C1orf162: variants seen among roughly 807,000 people sequenced by gnomAD.
C1orf162 encodes the protein transmembrane protein C1orf162.
A neutral mutation model predicts 11.4 loss-of-function variants in C1orf162; 10 were observed. The ratio of observed to expected loss-of-function variants is 0.88; its 90% CI spans 0.54 to 1.48. The LOEUF is 1.48. Ranked by LOEUF, C1orf162 falls within the 40% of genes most tolerant of loss-of-function variation. The pLI is 0.00. For missense variants in C1orf162, 140 were observed against 149.5 expected (o/e 0.94, Z 0.33); for synonymous variants, 53 against 55.0 (o/e 0.96, Z 0.16).
At chr1:111,476,125 G>T in intron 2 of C1orf162, 60 bp downstream of exon 2, 1 of 1,516,128 alleles carries the variant, frequency 6.6e-7, no homozygotes, top group Non-Finnish European at 9.2e-7. Flanking sequence ...ACTAGAAATT[G>T]TGCTGAAGGG....
Position 111,478,313 on chromosome 1 carries a change from G to A in C1orf162, c.*190G>A, listed in dbSNP as rs1654067643. ...ATGGTCAGTCTTTTCCTGGCCAGAG[G>A]AAAGATTGATGGCCCTCCCACTTGA... On this transcript the variant is annotated 3_prime_UTR_variant, in exon 6 of 6. Coordinates refer to ENST00000369718, the MANE Select transcript of C1orf162 (RefSeq NM_001300834.2). 2.9e-6 allele frequency: 2 copies of A among 698,916 alleles called. No individual in the cohort carries two copies. Among genetic ancestry groups the A allele is most frequent in the South Asian group, 3.8e-5 (2 of 52,682 alleles). 43.3% of individuals were successfully genotyped at this position (698,916 alleles called of 1,614,324 possible).
intron 1 of C1orf162, chr1:111,474,556 T>A (rs1653932502): frequency 6.6e-6 from 1 of 152,222 alleles, no homozygotes; most frequent in Non-Finnish European, 1.5e-5. Flanking sequence ...TATATTTCAA[T>A]ATTTTAAAAA....
chr1:111,478,381 T>G lies in C1orf162; in HGVS notation c.*258T>G. 1.9e-6 allele frequency: 1 copy of G among 540,288 alleles called. No homozygotes were observed. The highest frequency in any genetic ancestry group is 2.1e-5 in the South Asian group (1 of 48,052). The allele number at this position is 540,288 out of a possible 1,614,324, so 33.5% of individuals were successfully genotyped here. On this transcript the variant is annotated 3_prime_UTR_variant, in exon 6 of 6. Transcript: ENST00000369718. ...CCCTTGGGGGCATAGACTGCCTTCC[T>G]TGGACCCTTCCAAAGTGTGTGGTAC...
At chr1:111,477,839 CTCT>C in intron 5 of C1orf162, 64 bp downstream of exon 5, 31 of 1,600,956 alleles carry the variant, frequency 1.9e-5, no homozygotes, top group Non-Finnish European at 2.7e-5. Flanking sequence ...CCCCTCCATA[CTCT>C]TCATTATCTG....
At chr1:111,474,736 T>TGAA (rs1653938817) in intron 1 of C1orf162, 1 of 152,170 alleles carries the variant, frequency 6.6e-6, no homozygotes, top group Non-Finnish European at 1.5e-5. Flanking sequence ...GCCCTTTTCT[T>TGAA]ATCTGACATT....
chr1:111,476,282 C>T (rs1285245081), intron 2 of C1orf162, among the ~76,000 whole-genome samples: 1 of 152,116 alleles, frequency 6.6e-6, no homozygotes, highest in Admixed American at 6.5e-5. Flanking sequence ...GGTGTCTCTG[C>T]TCAATATCAA....
rs756096736 is a variant in C1orf162 at position 111,476,750 on chromosome 1, A to G, written c.38-48A>G. The G allele has an allele frequency of 2.5e-6, 4 of 1,584,944 alleles. No individual in the cohort carries two copies. In the South Asian group the frequency reaches 4.4e-5, roughly 18 times the overall value. ...CTGGGGAAACTTAAGCTGGAAGGGT[A>G]TCATGAAAAGTGACAGATACACTAA... On this transcript the variant is annotated intron_variant, in intron 2 of 5. Transcript: ENST00000369718.
In C1orf162 at chr1:111,478,043, G is replaced by GA. The variant is rs755056456; in HGVS notation, c.317dup (p.Ser107GlufsTer6). On this transcript the variant is annotated frameshift_variant, in exon 6 of 6. Transcript: ENST00000369718. LOFTEE classifies it low-confidence loss of function (END_TRUNC). ...CAGCACAACTTTCAAACTCTCAGAA[G>GA]AAAAGAGCAATCACTTGGCTGAGAA... is the stretch of plus-strand genomic sequence containing the variant. The GA allele has an allele frequency of 6.2e-7, 1 of 1,614,058 alleles. No homozygotes were observed. Among genetic ancestry groups the GA allele is most frequent in the South Asian group, 1.1e-5 (1 of 91,084 alleles).
Position 111,477,770 on chromosome 1 carries a change from G to A in C1orf162, c.247G>A (p.Ala83Thr), listed in dbSNP as rs909647983. 3.7e-6 allele frequency: 6 copies of A among 1,614,092 alleles called. No individual in the cohort carries two copies. In the African/African-American group the frequency reaches 4.0e-5, roughly 11 times the overall value. Reference sequence around the variant, plus strand: ...CCCAGATCCTCACTCAGATCCTCCAGCCAAGGTAAGATGACCACACTGTTT... The same window carrying A: ...CCCAGATCCTCACTCAGATCCTCCAACCAAGGTAAGATGACCACACTGTTT... ...QAPDPHSDPP[A>T]KLSSIPGESL... The change falls in exon 5 of 6, where the codon GCC becomes ACC. Residue 83 changes from alanine (A) to threonine (T), a missense_variant. Coordinates refer to ENST00000369718, the MANE Select transcript of C1orf162 (RefSeq NM_001300834.2).
rs769006328 is a variant in C1orf162, at chr1:111,477,735, A to AGCCCCAG, written c.220_226dup (p.Asp76GlyfsTer39). On this transcript the variant is annotated frameshift_variant, in exon 5 of 6. Coordinates refer to ENST00000369718, the MANE Select transcript of C1orf162 (RefSeq NM_001300834.2). LOFTEE classifies it low-confidence loss of function (END_TRUNC). ...TCTGGCACCATGGCAGATCACTCCAAGCCCCAGGCCCCAGATCCTCACTCA... is the reference window on the plus strand; with the variant it reads ...TCTGGCACCATGGCAGATCACTCCAAGCCCCAGGCCCCAGGCCCCAGATCCTCACTCA... The AGCCCCAG allele has an allele frequency of 4.0e-5, 65 of 1,613,892 alleles. No individual in the cohort carries two copies. The highest frequency in any genetic ancestry group is 5.2e-5 in the Non-Finnish European group (61 of 1,180,006).
intron 3 of C1orf162, 27 bp downstream of exon 3, chr1:111,476,894 C>CCACGTGGG (rs1654009492): frequency 1.9e-6 from 3 of 1,605,074 alleles, no homozygotes; most frequent in Non-Finnish European, 2.6e-6. Context: ...CTATCTGTTT[C>CCACGTGGG]ATCTTGTACC....
At position 111,474,013 on chromosome 1, in the gene C1orf162, C is replaced by A. The variant is rs770072091; in HGVS notation, c.-29C>A. On this transcript the variant is annotated 5_prime_UTR_variant, in exon 1 of 6. Coordinates refer to ENST00000369718, the MANE Select transcript of C1orf162 (RefSeq NM_001300834.2). ...TTAGACGACTGCGTCGTGCTATGACCGGACTTTTTCTTGAAAGGTAAATGC... is the reference window on the plus strand; with the variant it reads ...TTAGACGACTGCGTCGTGCTATGACAGGACTTTTTCTTGAAAGGTAAATGC... 1 of 152,106 alleles carries A rather than the reference C, an allele frequency of 6.6e-6. No homozygotes were observed. The allele number at this position is 152,106 out of a possible 1,614,324, so 9.4% of individuals were successfully genotyped here.
In C1orf162 at chr1:111,477,314, G is replaced by A. The variant is rs749815270; in HGVS notation, c.108-20G>A. Reference sequence around the variant, plus strand: ...TCAAAAGCCCAACAGTTCATCCCCTGCCTTTCTTTGCCAAAACAGCAAAAA... The same window carrying A: ...TCAAAAGCCCAACAGTTCATCCCCTACCTTTCTTTGCCAAAACAGCAAAAA... On this transcript the variant is annotated intron_variant, in intron 3 of 5. Coordinates refer to ENST00000369718, the MANE Select transcript of C1orf162 (RefSeq NM_001300834.2). 32 of 1,601,292 alleles carry A rather than the reference G, an allele frequency of 2.0e-5. No homozygotes were observed. Among genetic ancestry groups the A allele is most frequent in the Middle Eastern group, 1.7e-4 (1 of 6,052 alleles).
intron 1 of C1orf162, chr1:111,475,681 A>T (rs1402212706): frequency 4.6e-6 from 1 of 219,390 alleles, no homozygotes; most frequent in Non-Finnish European, 9.3e-6. Context: ...AAATTCACTG[A>T]TTGCACCAAC....
chr1:111,476,687 CCTT>C, intron 2 of C1orf162, 108 bp from the exon 3 acceptor site: 1 of 985,334 alleles, frequency 1.0e-6, no homozygotes, highest in East Asian at 2.4e-5. Flanking sequence ...GCAGCCCCAT[CCTT>C]AATTTCCACT....
In C1orf162 at chr1:111,478,149, T is replaced by C; in HGVS notation, c.*26T>C. ...CTCAGCTTTTCCAATGAGGCTTGAA[T>C]CCATTTCCTCTCATCTCAGCCCTAT... On this transcript the variant is annotated 3_prime_UTR_variant, in exon 6 of 6. Transcript: ENST00000369718. 1 of 1,613,338 alleles carries C rather than the reference T, an allele frequency of 6.2e-7. No individual in the cohort carries two copies. Among genetic ancestry groups the C allele is most frequent in the Non-Finnish European group, 8.5e-7 (1 of 1,179,348 alleles).
Position 111,478,030 on chromosome 1 carries a change from C to G in C1orf162, c.300C>G (p.Phe100Leu), listed in dbSNP as rs767886994. ...GESLTYASTT[F>L]KLSEEKSNHL... ...CACTTACCTATGCCAGCACAACTTT[C>G]AAACTCTCAGAAGAAAAGAGCAATC... The change falls in exon 6 of 6, where the codon TTC becomes TTG. Residue 100 changes from phenylalanine (F) to leucine (L), a missense_variant. Transcript: ENST00000369718. The G allele has an allele frequency of 5.0e-6, 8 of 1,614,126 alleles. No homozygotes were observed. Among genetic ancestry groups the G allele is most frequent in the Non-Finnish European group, 6.8e-6 (8 of 1,179,958 alleles).
intron 4 of C1orf162, 31 bp downstream of exon 4, chr1:111,477,459 T>C (rs773268209): frequency 6.4e-6 from 10 of 1,574,464 alleles, no homozygotes; most frequent in Middle Eastern, 1.7e-4. Flanking sequence ...AGGACAGCCC[T>C]TCTCTCTCTG....
chr1:111,477,697 G>C (rs1235400032), intron 4 of C1orf162, 29 bp from the exon 5 acceptor site: 1 of 1,613,318 alleles, frequency 6.2e-7, no homozygotes, highest in Non-Finnish European at 8.5e-7. Flanking sequence ...TGCTGAGATG[G>C]GTCCCTCTTC....
Sources: gnomAD v4.1 joint callset for allele counts (sites outside exome capture counted in the v4.1 genomes callset) on GRCh38, gnomAD v4.1.1 for gene constraint, MANE v1.5 for transcripts, NCBI Gene and HGNC (gene_info 2026-07-23, HGNC 2026-07-21) for gene names.